SLC8A2: variants seen among roughly 807,000 people sequenced by gnomAD.
SLC8A2 encodes sodium/calcium exchanger 2.
In SLC8A2, 14 loss-of-function variants were observed where a neutral mutation model predicts 70.2. That is an observed-to-expected ratio of 0.20 (90% CI 0.13 to 0.31). The LOEUF (loss-of-function observed/expected upper bound fraction) is 0.31, where lower values mean the gene tolerates loss of function less well. Ranked by LOEUF, SLC8A2 falls within the 10% of genes least tolerant of loss-of-function variation. The pLI is 1.00. For missense variants in SLC8A2, 779 were observed against 1,320.1 expected (o/e 0.59, Z 6.35); for synonymous variants, 575 against 594.3 (o/e 0.97, Z 0.47).
At position 47,448,836 on chromosome 19, in the gene SLC8A2, G is replaced by A. The variant is rs1383138537; in HGVS notation, c.1341-605C>T. ...AACCCTTCCCAGATGCCCCCAAGAGGAAGTCCATACACCTTAACTTGGCAT... is the reference window on the plus strand; with the variant it reads ...AACCCTTCCCAGATGCCCCCAAGAGAAAGTCCATACACCTTAACTTGGCAT... On this transcript the variant is annotated intron_variant, in intron 3 of 9. Coordinates refer to ENST00000236877, the MANE Select transcript of SLC8A2 (RefSeq NM_015063.3). This position sits in a 1 kb window ranked among gnomAD's most constrained non-coding sequence, Gnocchi z 4.8. 1.3e-5 allele frequency among the ~76,000 whole-genome samples: 2 copies of A among 152,102 alleles called. No individual in the cohort carries two copies. Among genetic ancestry groups the A allele is most frequent in the African/African-American group, 4.8e-5 (2 of 41,404 alleles).
At chr19:47,462,394 A>G (rs1967406641) in intron 2 of SLC8A2, among the ~76,000 whole-genome samples, 1 of 151,692 alleles carries the variant, frequency 6.6e-6, no homozygotes, top group Admixed American at 6.6e-5. Flanking sequence ...GCTCCCGAGT[A>G]CCTGGGATTA....
rs1000284176 is a variant in SLC8A2, at chr19:47,437,241, A to G, written c.2110+221T>C. On this transcript the variant is annotated intron_variant, in intron 8 of 9. Coordinates refer to ENST00000236877, the MANE Select transcript of SLC8A2 (RefSeq NM_015063.3). Reference sequence around the variant, plus strand: ...GAGACAGCGTCTTGCTCTGTTGCCCAGGCTGGAGTGCAGAGGCACGATCAT... The same window carrying G: ...GAGACAGCGTCTTGCTCTGTTGCCCGGGCTGGAGTGCAGAGGCACGATCAT... 3.1e-4 allele frequency among the ~76,000 whole-genome samples: 47 copies of G among 151,906 alleles called. 1 individual carries two copies. Among genetic ancestry groups the G allele is most frequent in the African/African-American group, 1.1e-3 (45 of 41,384 alleles).
chr19:47,431,525 T>C (rs1284145829), intron 9 of SLC8A2, among the ~76,000 whole-genome samples: 2 of 151,872 alleles, frequency 1.3e-5, no homozygotes, highest in East Asian at 3.9e-4. Flanking sequence ...GGCGCACGCC[T>C]GTAGTCTCAG....
At chr19:47,431,522 G>T (rs1028630320) in intron 9 of SLC8A2, among the ~76,000 whole-genome samples, 1 of 151,852 alleles carries the variant, frequency 6.6e-6, no homozygotes, top group African/African-American at 2.4e-5. Context: ...GGTGGCGCAC[G>T]CCTGTAGTCT....
At chr19:47,435,580 G>T (rs1175085970) in intron 8 of SLC8A2, among the ~76,000 whole-genome samples, 7 of 136,364 alleles carry the variant, frequency 5.1e-5, no homozygotes, top group Admixed American at 1.5e-4. Flanking sequence ...ACGGAGTTTC[G>T]CTTTGTTGCC....
At position 47,438,048 on chromosome 19, in the gene SLC8A2, C is replaced by A. The variant is rs868099525; in HGVS notation, c.1886-75G>T. On this transcript the variant is annotated intron_variant, in intron 6 of 9. Transcript: ENST00000236877. ...GGCCTGTGACGCCTTTACTACCTGTCCCCATAGTTAGAGAAAGCCTATCTG... is the reference window on the plus strand; with the variant it reads ...GGCCTGTGACGCCTTTACTACCTGTACCCATAGTTAGAGAAAGCCTATCTG... The A allele has an allele frequency of 5.7e-6, 9 of 1,573,182 alleles. No individual in the cohort carries two copies. The Middle Eastern group carries it at 1.6e-3, about 277-fold the overall frequency.
intron 1 of SLC8A2, among the ~76,000 whole-genome samples, chr19:47,470,348 TACACAC>T (rs71180846): frequency 0.03 from 4,150 of 139,356 alleles, 58 homozygotes; most frequent in African/African-American, 0.037. Flanking sequence ...GGAGACATCA[TACACAC>T]ACACACACAC....
intron 8 of SLC8A2, among the ~76,000 whole-genome samples, chr19:47,436,868 A>G (rs1967036063): frequency 6.6e-6 from 1 of 152,146 alleles, no homozygotes; most frequent in African/African-American, 2.4e-5. Flanking sequence ...CAGGTAGGAA[A>G]GAGCTCGGTG....
chr19:47,441,242 TC>T lies in SLC8A2; in HGVS notation c.1868-57del. 2.5e-6 allele frequency: 4 copies of T among 1,602,594 alleles called. No homozygotes were observed. The South Asian group carries it at 4.4e-5, about 18-fold the overall frequency. On this transcript the variant is annotated intron_variant, in intron 5 of 9. Transcript: ENST00000236877. The stretch of plus-strand genomic sequence containing the variant: ...AGATCAGTTCCCCACGAAGCTCAGG[TC>T]CACGAGCTTTAAGGAGTGCCTGCAA...
At position 47,457,381 on chromosome 19, in the gene SLC8A2, C is replaced by T. The variant is rs1176085653; in HGVS notation, c.889G>A (p.Gly297Ser). The T allele has an allele frequency of 6.4e-7, 1 of 1,551,174 alleles. No homozygotes were observed. Among genetic ancestry groups the T allele is most frequent in the Non-Finnish European group, 8.7e-7 (1 of 1,149,304 alleles). ...VGAEAPGELGGLGPGPAEARE... is the reference protein window; with the variant it reads ...VGAEAPGELGSLGPGPAEARE... ...GCCTCGGCGGGGCCCGGGCCCAGGC[C>T]GCCCAGCTCACCTGGGGCCTCGGCG... Residue 297 changes from glycine to serine, a missense_variant, in exon 3 of 10, where the codon GGC (glycine) becomes AGC (serine). Transcript: ENST00000236877.
chr19:47,441,230 A>G (rs1555747753), intron 5 of SLC8A2, 44 bp from the exon 6 acceptor site: 2 of 1,612,124 alleles, frequency 1.2e-6, no homozygotes, highest in Admixed American at 1.7e-5. Flanking sequence ...TCAGTTCCCC[A>G]CGAAGCTCAG....
chr19:47,454,521 A>C (rs1041348506), intron 3 of SLC8A2, among the ~76,000 whole-genome samples: 4 of 151,654 alleles, frequency 2.6e-5, no homozygotes, highest in African/African-American at 9.7e-5. Flanking sequence ...ACAGCACACC[A>C]TGCACCTGTA....
intron 4 of SLC8A2, among the ~76,000 whole-genome samples, chr19:47,442,969 C>T (rs1967116683): frequency 6.6e-6 from 1 of 152,216 alleles, no homozygotes; most frequent in Non-Finnish European, 1.5e-5. Context: ...AGATGTGAGC[C>T]ATGGCACCTG....
Position 47,466,126 on chromosome 19 carries a change from A to C in SLC8A2, c.278T>G (p.Phe93Cys). The change falls in exon 2 of 10, where the codon TTC becomes TGC. Residue 93 changes from phenylalanine (F) to cysteine (C), a missense_variant. Around this residue, in one of 6 missense-constraint regions of SLC8A2, gnomAD observed 155 missense variants for 318.6 expected, o/e 0.49. Coordinates refer to ENST00000236877, the MANE Select transcript of SLC8A2 (RefSeq NM_015063.3). The surrounding 1 kb of genome is among the most constrained non-coding windows in gnomAD (Gnocchi z 6.9). Reference protein sequence around the residue: ...FLGVSIIADRFMAAIEVITSK... With the variant: ...FLGVSIIADRCMAAIEVITSK... The stretch of plus-strand genomic sequence containing the variant: ...CGTGATGACCTCGATGGCCGCCATG[A>C]AACGGTCGGCGATGATGGACACTCC... The C allele has an allele frequency of 6.2e-7, 1 of 1,614,232 alleles. No individual in the cohort carries two copies. Among genetic ancestry groups the C allele is most frequent in the Non-Finnish European group, 8.5e-7 (1 of 1,180,048 alleles).
intron 3 of SLC8A2, 22 bp downstream of exon 3, chr19:47,456,908 C>T (rs768900176): frequency 4.5e-6 from 7 of 1,563,324 alleles, no homozygotes; most frequent in East Asian, 4.7e-5. Context: ...CCCCTGCACA[C>T]CCCCCACCCC....
rs758844135 is a variant in SLC8A2 at position 47,432,228 on chromosome 19, G to A, written c.2328C>T (p.Thr776=). ...IGDLASHFGC[T]VGLKDSVNAV... ...CATTGACAGAGTCCTTGAGGCCAAC[G>A]GTGCAGCCGAAGTGGGAGGCGAGGT... Residue 776 remains threonine, a synonymous_variant, in exon 9 of 10, where the codon ACC becomes ACT. Coordinates refer to ENST00000236877, the MANE Select transcript of SLC8A2 (RefSeq NM_015063.3). This position sits in a 1 kb window ranked among gnomAD's most constrained non-coding sequence, Gnocchi z 6.2. 1.9e-6 allele frequency: 3 copies of A among 1,614,064 alleles called. No individual in the cohort carries two copies. The highest frequency in any genetic ancestry group is 2.2e-5 in the East Asian group (1 of 44,884).
intron 3 of SLC8A2, among the ~76,000 whole-genome samples, chr19:47,454,629 A>T (rs1355302272): frequency 3.9e-5 from 6 of 152,102 alleles, no homozygotes; most frequent in Admixed American, 3.9e-4. Context: ...AGGGTAGGAA[A>T]GGTGGATGGA....
At position 47,445,169 on chromosome 19, in the gene SLC8A2, C is replaced by A. The variant is rs565344835; in HGVS notation, c.1763+2640G>T. 7.2e-5 allele frequency among the ~76,000 whole-genome samples: 11 copies of A among 152,214 alleles called. 1 individual carries two copies. The South Asian group carries it at 1.5e-3, about 20-fold the overall frequency. ...TGTTGCCCAGGCCAGAGTGCAATGG[C>A]GTGACCTCGGCTCACAGCAACCTTC... On this transcript the variant is annotated intron_variant, in intron 4 of 9. Coordinates refer to ENST00000236877, the MANE Select transcript of SLC8A2 (RefSeq NM_015063.3).
chr19:47,432,191 C>T lies in SLC8A2; in HGVS notation c.2365G>A (p.Val789Ile), dbSNP rs757657881. 23 of 1,612,000 alleles carry T rather than the reference C, an allele frequency of 1.4e-5. No individual in the cohort carries two copies. The highest frequency in any genetic ancestry group is 2.7e-5 in the African/African-American group (2 of 74,878). The change falls in exon 9 of 10, where the codon GTT (valine) becomes ATT (isoleucine). Residue 789 changes from valine (V) to isoleucine (I), a missense_variant. Physicochemically the swap from Val to Ile is conservative, Grantham distance 29 (BLOSUM62 3). Around this residue, in one of 6 missense-constraint regions of SLC8A2, gnomAD observed 108 missense variants for 269.6 expected, o/e 0.40. Transcript: ENST00000236877. This position sits in a 1 kb window ranked among gnomAD's most constrained non-coding sequence, Gnocchi z 6.2. ...CCAGGGATGGAGGTGCCCAGGGCAA[C>T]GAAGACAACAGCATTGACAGAGTCC... ...LKDSVNAVVFVALGTSIPDTF... is the reference protein window; with the variant it reads ...LKDSVNAVVFIALGTSIPDTF...
Sources: gnomAD v4.1 joint callset for allele counts (sites outside exome capture counted in the v4.1 genomes callset) on GRCh38, gnomAD v4.1.1 for gene constraint, gnomAD v4.1.1 regional missense constraint, Gnocchi (gnomAD v3.1) non-coding constraint, MANE v1.5 for transcripts, NCBI Gene and HGNC (gene_info 2026-07-23, HGNC 2026-07-21) for gene names.